The following RAPGEF4 variants were observed in gnomAD, a reference collection of about 807,000 sequenced individuals.
RAPGEF4 encodes the protein Rap guanine nucleotide exchange factor 4, also known as RAP guanine-nucleotide-exchange factor (GEF) 4.
In RAPGEF4, 66 loss-of-function variants were observed where a neutral mutation model predicts 147.9. That is an observed-to-expected ratio of 0.45 (90% CI 0.37 to 0.55). The LOEUF (loss-of-function observed/expected upper bound fraction) is 0.55, where lower values mean the gene tolerates loss of function less well. Among genes scored for constraint, RAPGEF4 ranks in the 20% least tolerant of loss-of-function variants. The pLI is 0.00. For missense variants in RAPGEF4, 1,071 were observed against 1,257.3 expected (o/e 0.85, Z 2.24); for synonymous variants, 419 against 442.7 (o/e 0.95, Z 0.67).
intron 6 of RAPGEF4, among the ~76,000 whole-genome samples, chr2:172,958,054 A>G (rs1255001187): frequency 6.6e-6 from 1 of 152,226 alleles, no homozygotes; most frequent in Admixed American, 6.5e-5. Context: ...TGCACCTACC[A>G]AAGAATAAAC....
intron 3 of RAPGEF4, among the ~76,000 whole-genome samples, chr2:172,802,471 G>T (rs775171028): frequency 6.6e-6 from 1 of 152,104 alleles, no homozygotes; most frequent in Non-Finnish European, 1.5e-5. Flanking sequence ...CACTATCAGA[G>T]AACAGTACAG....
At chr2:172,907,681 T>G (rs1256422208) in intron 4 of RAPGEF4, among the ~76,000 whole-genome samples, 4 of 152,242 alleles carry the variant, frequency 2.6e-5, no homozygotes, top group Non-Finnish European at 5.9e-5. Context: ...GGTCATTGTA[T>G]GCATATCAAC....
intron 1 of RAPGEF4, among the ~76,000 whole-genome samples, chr2:172,788,079 A>G (rs1021837154): frequency 6.6e-6 from 1 of 152,198 alleles, no homozygotes; most frequent in African/African-American, 2.4e-5. Flanking sequence ...TCTTCACATG[A>G]CAGAATGGAG....
chr2:172,833,172 C>T (rs1690546623), intron 4 of RAPGEF4, among the ~76,000 whole-genome samples: 1 of 150,364 alleles, frequency 6.7e-6, no homozygotes, highest in Admixed American at 6.6e-5. Flanking sequence ...CCATTGCACT[C>T]CAGCCTGGGC....
rs112101200 is a variant in RAPGEF4, at chr2:172,971,216, A to G, written c.1004+3772A>G. 6.1e-3 allele frequency among the ~76,000 whole-genome samples: 923 copies of G among 152,344 alleles called. 14 individuals carry two copies. The highest frequency in any genetic ancestry group is 0.021 in the African/African-American group (879 of 41,566). On this transcript the variant is annotated intron_variant, in intron 10 of 30. Transcript: ENST00000397081. ...TTGAGGCCAACTGTGGATAAAAAAG[A>G]GGCTTCAAGGAGACAGGACGCTCTG...
intron 4 of RAPGEF4, among the ~76,000 whole-genome samples, chr2:172,857,185 C>A (rs1693519923): frequency 6.6e-6 from 1 of 152,118 alleles, no homozygotes; most frequent in African/African-American, 2.4e-5. Context: ...CACACACACA[C>A]ACACACACAC....
At chr2:172,904,700 G>A (rs1325757353) in intron 4 of RAPGEF4, among the ~76,000 whole-genome samples, 1 of 151,966 alleles carries the variant, frequency 6.6e-6, no homozygotes, top group Non-Finnish European at 1.5e-5. Flanking sequence ...GGAGTGAAGT[G>A]TCTTTAATTT....
At chr2:172,929,812 G>C (rs1224640276) in intron 6 of RAPGEF4, among the ~76,000 whole-genome samples, 1 of 152,150 alleles carries the variant, frequency 6.6e-6, no homozygotes, top group African/African-American at 2.4e-5. Context: ...GGGTAGTGTG[G>C]CCTCAGGACA....
intron 6 of RAPGEF4, among the ~76,000 whole-genome samples, chr2:172,927,784 C>A (rs1442575130): frequency 1.3e-5 from 2 of 152,176 alleles, no homozygotes; most frequent in Non-Finnish European, 2.9e-5. Context: ...TTGATCCAGG[C>A]TGAACCTATG....
intron 4 of RAPGEF4, among the ~76,000 whole-genome samples, chr2:172,910,598 G>A (rs1262146212): frequency 1.3e-5 from 2 of 152,354 alleles, no homozygotes; most frequent in East Asian, 1.9e-4. Context: ...CTCAGCTGGG[G>A]AGACTTGAAT....
intron 16 of RAPGEF4, among the ~76,000 whole-genome samples, 173 bp downstream of exon 16, chr2:172,996,727 C>G (rs1334736439): frequency 6.6e-6 from 1 of 152,162 alleles, no homozygotes; most frequent in Non-Finnish European, 1.5e-5. Context: ...TTCTGACTGT[C>G]GTCTTCCCTC....
chr2:173,022,224 G>A (rs1427520821), intron 23 of RAPGEF4, among the ~76,000 whole-genome samples: 1 of 152,222 alleles, frequency 6.6e-6, no homozygotes, highest in Non-Finnish European at 1.5e-5. Flanking sequence ...GACACAGGGA[G>A]TGCAGACTGT....
At chr2:172,890,596 C>T (rs1399476685) in intron 4 of RAPGEF4, among the ~76,000 whole-genome samples, 1 of 152,190 alleles carries the variant, frequency 6.6e-6, no homozygotes, top group African/African-American at 2.4e-5. Flanking sequence ...GGTTACGTTT[C>T]TCTCCTCTGT....
intron 15 of RAPGEF4, among the ~76,000 whole-genome samples, chr2:172,994,870 T>C (rs1183914368): frequency 2.0e-5 from 3 of 150,838 alleles, no homozygotes; most frequent in Non-Finnish European, 4.5e-5. Flanking sequence ...TTTTTTTTTC[T>C]ATTCCCCTTC....
chr2:172,786,673 G>A (rs1341087925), intron 1 of RAPGEF4, among the ~76,000 whole-genome samples: 1 of 152,062 alleles, frequency 6.6e-6, no homozygotes, highest in African/African-American at 2.4e-5. Context: ...CCAGAAGTTC[G>A]AGACCAGCCT....
intron 4 of RAPGEF4, among the ~76,000 whole-genome samples, chr2:172,897,225 C>T (rs558080640): frequency 6.6e-6 from 1 of 152,022 alleles, no homozygotes; most frequent in Non-Finnish European, 1.5e-5. Flanking sequence ...AATTCTGCAG[C>T]TTTTTCAGTA....
intron 4 of RAPGEF4, among the ~76,000 whole-genome samples, chr2:172,837,721 C>T (rs1372180019): frequency 6.6e-6 from 1 of 152,120 alleles, no homozygotes; most frequent in Non-Finnish European, 1.5e-5. Flanking sequence ...GTGTGCACCG[C>T]CTTGCCTGGC....
intron 4 of RAPGEF4, among the ~76,000 whole-genome samples, chr2:172,909,651 C>T (rs1362200372): frequency 6.6e-6 from 1 of 152,172 alleles, no homozygotes; most frequent in Non-Finnish European, 1.5e-5. Context: ...CTCGGAACCA[C>T]TGCTGACCCC....
intron 4 of RAPGEF4, among the ~76,000 whole-genome samples, chr2:172,866,442 C>T (rs1275381290): frequency 6.6e-6 from 1 of 152,100 alleles, no homozygotes; most frequent in Non-Finnish European, 1.5e-5. Context: ...CTCTCCTATT[C>T]CTTAGTCTCT....
Sources: allele counts gnomAD v4.1 joint callset (sites outside exome capture counted in the v4.1 genomes callset), GRCh38; gene constraint gnomAD v4.1.1; transcripts MANE v1.5; gene names NCBI Gene and HGNC (gene_info 2026-07-23, HGNC 2026-07-21).